FAM222B: variants seen among roughly 807,000 people sequenced by gnomAD.
FAM222B encodes the protein family with sequence similarity 222 member B.
FAM222B carries 12 observed loss-of-function variants against 38.0 expected under a neutral mutation model. The ratio of observed to expected loss-of-function variants is 0.32; its 90% CI spans 0.20 to 0.51. The LOEUF (loss-of-function observed/expected upper bound fraction) is 0.51. Among genes scored for constraint, FAM222B ranks in the 20% least tolerant of loss-of-function variants. The pLI is 0.97. For synonymous variants in FAM222B, 329 were observed against 317.2 expected, an observed-to-expected ratio of 1.04 and a Z score of -0.40; for missense variants, 716 against 754.2, an observed-to-expected ratio of 0.95 and a Z score of 0.59.
chr17:28,823,493 C>A (rs2038336860), intron 1 of FAM222B, among the ~76,000 whole-genome samples: 1 of 152,114 alleles, frequency 6.6e-6, no homozygotes, highest in Non-Finnish European at 1.5e-5. Context: ...AATTCTCCCA[C>A]CTCAGCCTCC....
At chr17:28,808,305 T>C (rs559241002) in intron 1 of FAM222B, among the ~76,000 whole-genome samples, 1 of 152,316 alleles carries the variant, frequency 6.6e-6, no homozygotes, top group Non-Finnish European at 1.5e-5. Flanking sequence ...CAGCCCAGGT[T>C]ACCAAAAGCT....
At chr17:28,848,246 T>C (rs1392715524) in intron 1 of FAM222B, among the ~76,000 whole-genome samples, 1 of 152,080 alleles carries the variant, frequency 6.6e-6, no homozygotes, top group Non-Finnish European at 1.5e-5. Context: ...ACGTTTTATC[T>C]CCCTGGGTTA....
intron 1 of FAM222B, among the ~76,000 whole-genome samples, chr17:28,800,511 A>C (rs2037168760): frequency 6.6e-6 from 1 of 152,178 alleles, no homozygotes; most frequent in Admixed American, 6.6e-5. Flanking sequence ...ATATACTATC[A>C]CTGATAAGAA....
At chr17:28,790,734 G>T (rs984665208) in intron 1 of FAM222B, among the ~76,000 whole-genome samples, 4 of 152,044 alleles carry the variant, frequency 2.6e-5, no homozygotes, top group African/African-American at 9.7e-5. Context: ...TTGTATTGTG[G>T]TAAAGTTGGA....
At chr17:28,843,155 T>C (rs2152634046), upstream of FAM222B, among the ~76,000 whole-genome samples, 1 of 151,250 alleles carries the variant, frequency 6.6e-6, no homozygotes, top group East Asian at 1.9e-4. Context: ...TTTTTTTTTC[T>C]GAGTCGAAGT....
chr17:28,844,614 A>C, upstream of FAM222B, among the ~76,000 whole-genome samples: 1 of 152,076 alleles, frequency 6.6e-6, no homozygotes, highest in African/African-American at 2.4e-5. Flanking sequence ...GCCGAGATCA[A>C]GCCACTGCAT....
intron 1 of FAM222B, among the ~76,000 whole-genome samples, chr17:28,784,567 G>A (rs987228728): frequency 2.7e-5 from 4 of 146,894 alleles, no homozygotes; most frequent in African/African-American, 7.5e-5. Context: ...CACTGGGCGC[G>A]GTGGCTCACG....
chr17:28,792,261 G>C (rs1053217908), intron 1 of FAM222B, among the ~76,000 whole-genome samples: 6 of 147,066 alleles, frequency 4.1e-5, no homozygotes, highest in African/African-American at 1.2e-4. Context: ...GCAGTGAGCC[G>C]AGATTGCGCC....
intron 1 of FAM222B, among the ~76,000 whole-genome samples, chr17:28,816,520 T>C (rs2038030548): frequency 6.6e-6 from 1 of 151,944 alleles, no homozygotes; most frequent in Admixed American, 6.6e-5. Flanking sequence ...GCACCCTATT[T>C]TGCAAATTTC....
Position 28,758,197 on chromosome 17 carries a change from A to T in FAM222B, c.*73T>A. ...ACTGGAGCAGTGAAACTTTGAAACTATCCAGTTACTTAAAAGACTAAACCT... is the reference window on the plus strand; with the variant it reads ...ACTGGAGCAGTGAAACTTTGAAACTTTCCAGTTACTTAAAAGACTAAACCT... On this transcript the variant is annotated 3_prime_UTR_variant, in exon 3 of 3. Transcript: ENST00000581407. 1 of 1,264,650 alleles carries T rather than the reference A, an allele frequency of 7.9e-7. No individual in the cohort carries two copies. The highest frequency in any genetic ancestry group is 1.1e-6 in the Non-Finnish European group (1 of 908,414). The allele number at this position is 1,264,650 out of a possible 1,614,324, so 78.3% of individuals were successfully genotyped here. A position where few individuals can be genotyped will look rare whatever the true frequency, so the allele number is the denominator to read the frequency against.
At chr17:28,771,059 G>GT (rs921434095) in intron 1 of FAM222B, among the ~76,000 whole-genome samples, 6 of 149,858 alleles carry the variant, frequency 4.0e-5, no homozygotes, top group African/African-American at 1.5e-4. Context: ...TCCCTAGCTA[G>GT]TAAGAGTCCC....
intron 1 of FAM222B, among the ~76,000 whole-genome samples, chr17:28,849,881 A>G (rs1472511153): frequency 6.6e-6 from 1 of 152,030 alleles, no homozygotes; most frequent in Non-Finnish European, 1.5e-5. Flanking sequence ...TGGGAGTTCG[A>G]GACCAGCCTG....
intron 1 of FAM222B, among the ~76,000 whole-genome samples, chr17:28,793,357 G>A (rs1397932819): frequency 6.6e-6 from 1 of 152,150 alleles, no homozygotes; most frequent in African/African-American, 2.4e-5. Context: ...CTTCCAGAGT[G>A]TTAACCGTTT....
intron 1 of FAM222B, among the ~76,000 whole-genome samples, chr17:28,775,162 G>C (rs1295937643): frequency 6.6e-6 from 1 of 151,048 alleles, no homozygotes; most frequent in Non-Finnish European, 1.5e-5. Flanking sequence ...CACCATGCCC[G>C]ACTAATTTTT....
At chr17:28,815,236 CAG>C (rs1397926404) in intron 1 of FAM222B, among the ~76,000 whole-genome samples, 2 of 142,912 alleles carry the variant, frequency 1.4e-5, no homozygotes, top group African/African-American at 5.2e-5. Context: ...TTTTTAAAGA[CAG>C]AGTCTCGCTC....
rs1192260947 is a variant in FAM222B at position 28,816,480 on chromosome 17, C to CTGAT, written c.-41+26198_-41+26201dup. 4.6e-5 allele frequency among the ~76,000 whole-genome samples: 7 copies of CTGAT among 152,052 alleles called. No homozygotes were observed. The East Asian group carries it at 1.2e-3, about 25-fold the overall frequency. ...TTAGTTTAGGTAATATCCCTCTAGA[C>CTGAT]TGATCAGTTTGCACCTCATTATTTC... On this transcript the variant is annotated intron_variant, in intron 1 of 2. Coordinates refer to ENST00000581407, the MANE Select transcript of FAM222B (RefSeq NM_001077498.3).
intron 1 of FAM222B, among the ~76,000 whole-genome samples, chr17:28,792,699 TGAACCCAGGAGGTG>T (rs1483839687): frequency 6.6e-6 from 1 of 151,104 alleles, no homozygotes; most frequent in Non-Finnish European, 1.5e-5. Context: ...GAGAACTGCT[TGAACCCAGGAGGTG>T]GAAGTTGCAG....
Position 28,837,317 on chromosome 17 carries a change from C to T in FAM222B, c.-41+5365G>A, listed in dbSNP as rs146206990. ...TGTTGGTGGGCGCCTGTAGTCCTAG[C>T]TACTAGGGAGGCTGAGGCAGGAGAA... On this transcript the variant is annotated intron_variant, in intron 1 of 2. Coordinates refer to ENST00000581407, the MANE Select transcript of FAM222B (RefSeq NM_001077498.3). Among the ~76,000 whole-genome samples, 488 of 150,374 alleles carry T rather than the reference C, an allele frequency of 3.2e-3. 2 individuals carry two copies. The highest frequency in any genetic ancestry group is 0.011 in the African/African-American group (469 of 40,850).
In FAM222B at chr17:28,758,626, G is replaced by C; in HGVS notation, c.1333C>G (p.Pro445Ala). The C allele has an allele frequency of 6.2e-7, 1 of 1,611,784 alleles. No homozygotes were observed. Among genetic ancestry groups the C allele is most frequent in the Non-Finnish European group, 8.5e-7 (1 of 1,179,788 alleles). Reference protein sequence around the residue: ...VNGMAAPLAYPNGHYFQPLWN... With the variant: ...VNGMAAPLAYANGHYFQPLWN... ...AGGGGTTGGAAGTAGTGACCATTGGGGTAGGCCAATGGGGCTGCCATGCCG... is the reference window on the plus strand; with the variant it reads ...AGGGGTTGGAAGTAGTGACCATTGGCGTAGGCCAATGGGGCTGCCATGCCG... The change falls in exon 3 of 3, where the codon CCC (proline) becomes GCC (alanine). Residue 445 changes from proline to alanine, a missense_variant. Transcript: ENST00000581407.
Sources: gnomAD v4.1 joint callset for allele counts (sites outside exome capture counted in the v4.1 genomes callset) on GRCh38, gnomAD v4.1.1 for gene constraint, MANE v1.5 for transcripts, NCBI Gene and HGNC (gene_info 2026-07-23, HGNC 2026-07-21) for gene names.